The following KRTAP26-1 variants were observed in gnomAD, a reference collection of about 807,000 sequenced individuals.
KRTAP26-1 encodes keratin-associated protein 26-1.
For missense variants in KRTAP26-1, 273 were observed against 260.9 expected, an observed-to-expected ratio of 1.05 and a Z score of -0.32; for synonymous variants, 111 against 103.3, an observed-to-expected ratio of 1.07 and a Z score of -0.45.
In KRTAP26-1 at chr21:30,319,817, G is replaced by A. The variant is rs374733847; in HGVS notation, c.219C>T (p.Thr73=). 1.4e-5 allele frequency: 23 copies of A among 1,613,456 alleles called. No individual in the cohort carries two copies. Among genetic ancestry groups the A allele is most frequent in the Middle Eastern group, 1.6e-4 (1 of 6,072 alleles). Residue 73 remains threonine (T), a synonymous_variant, in exon 1 of 1, where the codon ACC becomes ACT. Transcript: ENST00000360542. The stretch of plus-strand genomic sequence containing the variant: ...AACCGCAAGAGGTTTCAAGATTGCC[G>A]GTCTCACAGTGGACCGGCTGGCAGC... The part of the protein sequence containing the change: ...PTSCQPVHCE[T]GNLETSCGSS...
chr21:30,319,361 T>G lies in KRTAP26-1; in HGVS notation c.*42A>C, dbSNP rs1182568825. 1 of 1,511,718 alleles carries G rather than the reference T, an allele frequency of 6.6e-7. No individual in the cohort carries two copies. The highest frequency in any genetic ancestry group is 8.9e-7 in the Non-Finnish European group (1 of 1,128,352). The allele number at this position is 1,511,718 out of a possible 1,614,324, so 93.6% of individuals were successfully genotyped here. A position where few individuals can be genotyped will look rare whatever the true frequency, so the allele number is the denominator to read the frequency against. ...ATGGAGTTTGAATTTTTGTTGTGGA[T>G]GCTCAGAGTGATTATTCACTGGAAC... is the stretch of plus-strand genomic sequence containing the variant. On this transcript the variant is annotated 3_prime_UTR_variant, in exon 1 of 1. Transcript: ENST00000360542.
At position 30,319,959 on chromosome 21, in the gene KRTAP26-1, G is replaced by T. The variant is rs3804007; in HGVS notation, c.77C>A (p.Ser26Tyr). 105,453 of 1,613,886 alleles carry T rather than the reference G, an allele frequency of 0.065. 4,563 individuals carry two copies. The highest frequency in any genetic ancestry group is 0.2 in the African/African-American group (14,671 of 74,960). ...LRTSRHIPLT[S>Y]IDLCPTSVSC... ...CACGCTGGTAGGGCAGAGGTCGATG[G>T]AGGTGAGAGGAATATGGCGGGAGGT... The change falls in exon 1 of 1, where the codon TCC becomes TAC. Residue 26 changes from serine to tyrosine, a missense_variant. By Grantham distance (144) the Ser-to-Tyr change is moderately radical (BLOSUM62 -2). Transcript: ENST00000360542.
rs1981614640 is a variant in KRTAP26-1 at position 30,319,325 on chromosome 21, A to T, written c.*78T>A. On this transcript the variant is annotated 3_prime_UTR_variant, in exon 1 of 1. Transcript: ENST00000360542. ...AAACATCAGTTGCTACTAGCAAAGA[A>T]GCAAAAGTCCATGGAGTTTGAATTT... 1.4e-6 allele frequency: 2 copies of T among 1,428,056 alleles called. No homozygotes were observed. Among genetic ancestry groups the T allele is most frequent in the African/African-American group, 2.8e-5 (2 of 70,320 alleles). The allele number at this position is 1,428,056 out of a possible 1,614,324, so 88.5% of individuals were successfully genotyped here.
chr21:30,319,470 A>T lies in KRTAP26-1; in HGVS notation c.566T>A (p.Leu189Gln). ...VSSSLRPLGPLFSGCQPLTHV... is the reference protein window; with the variant it reads ...VSSSLRPLGPQFSGCQPLTHV... Reference sequence around the variant, plus strand: ...GGTCAGAGGTTGGCAACCACTGAACAGAGGCCCCAGAGGTCTGAGGCTGCT... The same window carrying T: ...GGTCAGAGGTTGGCAACCACTGAACTGAGGCCCCAGAGGTCTGAGGCTGCT... Residue 189 changes from leucine to glutamine, a missense_variant, in exon 1 of 1, where the codon CTG (leucine) becomes CAG (glutamine). Transcript: ENST00000360542. The T allele has an allele frequency of 1.2e-6, 2 of 1,614,012 alleles. No homozygotes were observed. Among genetic ancestry groups the T allele is most frequent in the Non-Finnish European group, 1.7e-6 (2 of 1,179,954 alleles).
Position 30,319,881 on chromosome 21 carries a change from A to G in KRTAP26-1, c.155T>C (p.Val52Ala), listed in dbSNP as rs752263279. Reference sequence around the variant, plus strand: ...GCAGGTCTCTTGGCAGTTGTCTGTGACCCAGGTATGGTCTTGAGAGCTAGT... The same window carrying G: ...GCAGGTCTCTTGGCAGTTGTCTGTGGCCCAGGTATGGTCTTGAGAGCTAGT... ...LPTSSQDHTW[V>A]TDNCQETCGE... Residue 52 changes from valine (V) to alanine (A), a missense_variant, in exon 1 of 1, where the codon GTC becomes GCC. Val to Ala is a moderately conservative substitution (Grantham distance 64). Transcript: ENST00000360542. The G allele has an allele frequency of 6.8e-6, 11 of 1,614,104 alleles. No homozygotes were observed. Among genetic ancestry groups the G allele is most frequent in the Non-Finnish European group, 9.3e-6 (11 of 1,180,022 alleles).
In KRTAP26-1 at chr21:30,319,840, A is replaced by G. The variant is rs772955590; in HGVS notation, c.196T>C (p.Cys66Arg). The G allele has an allele frequency of 3.7e-6, 6 of 1,613,924 alleles. No homozygotes were observed. The Admixed American group carries it at 1.0e-4, about 27-fold the overall frequency. The change falls in exon 1 of 1, where the codon TGC becomes CGC. Residue 66 changes from cysteine (C) to arginine (R), a missense_variant. By Grantham distance (180) the Cys-to-Arg change is radical. Transcript: ENST00000360542. The part of the protein sequence containing the change: ...CQETCGEPTS[C>R]QPVHCETGNL... ...CCGGTCTCACAGTGGACCGGCTGGC[A>G]GCTGGTTGGTTCACCGCAGGTCTCT... is the stretch of plus-strand genomic sequence containing the variant.
In KRTAP26-1 at chr21:30,319,194, T is replaced by C; in HGVS notation, c.*209A>G. 1.1e-5 allele frequency: 5 copies of C among 444,706 alleles called. No homozygotes were observed. The highest frequency in any genetic ancestry group is 2.0e-5 in the Non-Finnish European group (5 of 251,126). 27.5% of individuals were successfully genotyped at this position (444,706 alleles called of 1,614,324 possible). A position where few individuals can be genotyped will look rare whatever the true frequency, so the allele number is the denominator to read the frequency against. ...ACATTCTTCCCAGACCAGAGCAACATTGAATAGCATTGTAAACTAATTTTT... is the reference window on the plus strand; with the variant it reads ...ACATTCTTCCCAGACCAGAGCAACACTGAATAGCATTGTAAACTAATTTTT... On this transcript the variant is annotated 3_prime_UTR_variant, in exon 1 of 1. Coordinates refer to ENST00000360542, the MANE Select transcript of KRTAP26-1 (RefSeq NM_203405.2).
In KRTAP26-1 at chr21:30,320,199, A is replaced by G. The variant is rs1568818043; in HGVS notation, c.-164T>C. ...AAGATGCATCAGAACTCTTTATTAT[A>G]GCCAAGGAAGTGAGGCTTCCACCCT... is the stretch of plus-strand genomic sequence containing the variant. On this transcript the variant is annotated 5_prime_UTR_variant, in exon 1 of 1. Coordinates refer to ENST00000360542, the MANE Select transcript of KRTAP26-1 (RefSeq NM_203405.2). 1.2e-5 allele frequency: 7 copies of G among 561,258 alleles called. No individual in the cohort carries two copies. The highest frequency in any genetic ancestry group is 3.6e-5 in the South Asian group (1 of 27,960). The allele number at this position is 561,258 out of a possible 1,614,324, so 34.8% of individuals were successfully genotyped here.
chr21:30,319,214 AT>A lies in KRTAP26-1; in HGVS notation c.*188del. ...CAACATTGAATAGCATTGTAAACTA[AT>A]TTTTTTGATGTCAAGGAAAGATGAA... On this transcript the variant is annotated 3_prime_UTR_variant, in exon 1 of 1. Transcript: ENST00000360542. 5.0e-5 allele frequency: 26 copies of A among 523,602 alleles called. No homozygotes were observed. The highest frequency in any genetic ancestry group is 8.5e-5 in the South Asian group (2 of 23,446). The allele number at this position is 523,602 out of a possible 1,614,324, so 32.4% of individuals were successfully genotyped here. A position where few individuals can be genotyped will look rare whatever the true frequency, so the allele number is the denominator to read the frequency against.
rs2123307897 is a variant in KRTAP26-1 at position 30,319,183 on chromosome 21, C to G, written c.*220G>C. 2.4e-6 allele frequency: 1 copy of G among 411,632 alleles called. No individual in the cohort carries two copies. The highest frequency in any genetic ancestry group is 4.3e-6 in the Non-Finnish European group (1 of 231,120). 25.5% of individuals were successfully genotyped at this position (411,632 alleles called of 1,614,324 possible). On this transcript the variant is annotated 3_prime_UTR_variant, in exon 1 of 1. Transcript: ENST00000360542. The stretch of plus-strand genomic sequence containing the variant: ...GCAAAACAAATACATTCTTCCCAGA[C>G]CAGAGCAACATTGAATAGCATTGTA...
chr21:30,319,415 G>A lies in KRTAP26-1; in HGVS notation c.621C>T (p.Cys207=), dbSNP rs1293833915. Residue 207 remains cysteine, a synonymous_variant, in exon 1 of 1, where the codon TGC becomes TGT. Transcript: ENST00000360542. ...THVFSTCRPS[C]SGL ...GAAGCTGCTGGTTTCACAGTCCAGAGCAAGATGGACGACACGTGCTGAACA... is the reference window on the plus strand; with the variant it reads ...GAAGCTGCTGGTTTCACAGTCCAGAACAAGATGGACGACACGTGCTGAACA... The A allele has an allele frequency of 6.3e-7, 1 of 1,599,004 alleles. No homozygotes were observed. The highest frequency in any genetic ancestry group is 1.1e-5 in the South Asian group (1 of 90,002).
At position 30,319,229 on chromosome 21, in the gene KRTAP26-1, A is replaced by G. The variant is rs1981610847; in HGVS notation, c.*174T>C. 1.5e-5 allele frequency: 9 copies of G among 580,962 alleles called. No homozygotes were observed. The highest frequency in any genetic ancestry group is 3.3e-5 in the Admixed American group (1 of 30,346). 36.0% of individuals were successfully genotyped at this position (580,962 alleles called of 1,614,324 possible). On this transcript the variant is annotated 3_prime_UTR_variant, in exon 1 of 1. Coordinates refer to ENST00000360542, the MANE Select transcript of KRTAP26-1 (RefSeq NM_203405.2). The stretch of plus-strand genomic sequence containing the variant: ...TTGTAAACTAATTTTTTTGATGTCA[A>G]GGAAAGATGAAAACAAGATAAAACA...
chr21:30,319,274 A>G lies in KRTAP26-1; in HGVS notation c.*129T>C. ...AAAACATGCGAGAGAAGCAGCTTGC[A>G]TTAGATCAGGCACAGTAAAACTAAG... On this transcript the variant is annotated 3_prime_UTR_variant, in exon 1 of 1. Transcript: ENST00000360542. 3.4e-6 allele frequency: 3 copies of G among 894,998 alleles called. No homozygotes were observed. The highest frequency in any genetic ancestry group is 5.5e-4 in the Middle Eastern group (2 of 3,654). The allele number at this position is 894,998 out of a possible 1,614,324, so 55.4% of individuals were successfully genotyped here.
In KRTAP26-1 at chr21:30,320,165, T is replaced by C; in HGVS notation, c.-130A>G. On this transcript the variant is annotated 5_prime_UTR_variant, in exon 1 of 1. Coordinates refer to ENST00000360542, the MANE Select transcript of KRTAP26-1 (RefSeq NM_203405.2). ...GCTTCTGCGTGCAGACTCTTCCTCTTGTTGTATGAAGATGCATCAGAACTC... is the reference window on the plus strand; with the variant it reads ...GCTTCTGCGTGCAGACTCTTCCTCTCGTTGTATGAAGATGCATCAGAACTC... 1 of 707,964 alleles carries C rather than the reference T, an allele frequency of 1.4e-6. No individual in the cohort carries two copies. Among genetic ancestry groups the C allele is most frequent in the East Asian group, 2.7e-5 (1 of 36,536 alleles). The allele number at this position is 707,964 out of a possible 1,614,324, so 43.9% of individuals were successfully genotyped here. A position where few individuals can be genotyped will look rare whatever the true frequency, so the allele number is the denominator to read the frequency against.
Position 30,320,047 on chromosome 21 carries a change from G to C in KRTAP26-1, c.-12C>G, listed in dbSNP as rs776283066. The C allele has an allele frequency of 1.9e-6, 3 of 1,562,424 alleles. No individual in the cohort carries two copies. The highest frequency in any genetic ancestry group is 2.6e-6 in the Non-Finnish European group (3 of 1,152,154). On this transcript the variant is annotated 5_prime_UTR_variant, in exon 1 of 1. Transcript: ENST00000360542. ...TTGGGGCAAGACATAGTGAGGTTGT[G>C]AGAGCAGGCTGAAGTTGAGGCAAAG...
Position 30,319,372 on chromosome 21 carries a change from A to G in KRTAP26-1, c.*31T>C, listed in dbSNP as rs1171532946. The G allele has an allele frequency of 2.0e-6, 3 of 1,529,558 alleles. No homozygotes were observed. Among genetic ancestry groups the G allele is most frequent in the Admixed American group, 2.1e-5 (1 of 47,514 alleles). 94.7% of individuals were successfully genotyped at this position (1,529,558 alleles called of 1,614,324 possible). Reference sequence around the variant, plus strand: ...ATTTTTGTTGTGGATGCTCAGAGTGATTATTCACTGGAACAAAGAAGCTGC... The same window carrying G: ...ATTTTTGTTGTGGATGCTCAGAGTGGTTATTCACTGGAACAAAGAAGCTGC... On this transcript the variant is annotated 3_prime_UTR_variant, in exon 1 of 1. Coordinates refer to ENST00000360542, the MANE Select transcript of KRTAP26-1 (RefSeq NM_203405.2).
rs149051503 is a variant in KRTAP26-1 at position 30,320,010 on chromosome 21, C to G, written c.26G>C (p.Gly9Ala). The change falls in exon 1 of 1, where the codon GGA becomes GCA. Residue 9 changes from glycine (G) to alanine (A), a missense_variant. Gly to Ala is a moderately conservative substitution (Grantham distance 60). Transcript: ENST00000360542. MSCPNYCS[G>A]NSNSGSLRTS... Reference sequence around the variant, plus strand: ...TCTGAGAGATCCTGAGTTGGAGTTTCCCGAGCAGTAGTTGGGGCAAGACAT... The same window carrying G: ...TCTGAGAGATCCTGAGTTGGAGTTTGCCGAGCAGTAGTTGGGGCAAGACAT... The G allele has an allele frequency of 3.1e-6, 5 of 1,606,408 alleles. No homozygotes were observed. In the African/African-American group the frequency reaches 6.7e-5, roughly 21 times the overall value.
Position 30,320,134 on chromosome 21 carries a change from G to T in KRTAP26-1, c.-99C>A, listed in dbSNP as rs1981656659. 1.0e-6 allele frequency: 1 copy of T among 1,004,376 alleles called. No homozygotes were observed. 62.2% of individuals were successfully genotyped at this position (1,004,376 alleles called of 1,614,324 possible). Reference sequence around the variant, plus strand: ...CTTGACCCTTTATTTATCCCTAGAAGGTGGTGCTTCTGCGTGCAGACTCTT... The same window carrying T: ...CTTGACCCTTTATTTATCCCTAGAATGTGGTGCTTCTGCGTGCAGACTCTT... On this transcript the variant is annotated 5_prime_UTR_variant, in exon 1 of 1. Coordinates refer to ENST00000360542, the MANE Select transcript of KRTAP26-1 (RefSeq NM_203405.2).
chr21:30,319,803 G>T lies in KRTAP26-1; in HGVS notation c.233C>A (p.Thr78Asn). 6.2e-7 allele frequency: 1 copy of T among 1,613,718 alleles called. No individual in the cohort carries two copies. Among genetic ancestry groups the T allele is most frequent in the East Asian group, 2.2e-5 (1 of 44,864 alleles). The change falls in exon 1 of 1, where the codon ACC becomes AAC. Residue 78 changes from threonine (T) to asparagine (N), a missense_variant. Thr to Asn is a moderately conservative substitution (Grantham distance 65, BLOSUM62 0). Coordinates refer to ENST00000360542, the MANE Select transcript of KRTAP26-1 (RefSeq NM_203405.2). ...GTAAGCAGTGGAAGAACCGCAAGAG[G>T]TTTCAAGATTGCCGGTCTCACAGTG... The part of the protein sequence containing the change: ...PVHCETGNLE[T>N]SCGSSTAYYV...
Sources: allele counts gnomAD v4.1 joint callset, GRCh38; gene constraint gnomAD v4.1.1; transcripts MANE v1.5; gene names NCBI Gene and HGNC (gene_info 2026-07-23, HGNC 2026-07-21).